CEMIP: variants seen among roughly 807,000 people sequenced by gnomAD.
The protein encoded by CEMIP is cell migration inducing hyaluronidase 1.
A neutral mutation model predicts 156.9 loss-of-function variants in CEMIP; 105 were observed. The observed-to-expected ratio is 0.67, with a 90% CI of 0.57 to 0.79. The LOEUF is 0.79. CEMIP is among the 30% of genes least tolerant of loss of function. The pLI is 0.00. For missense variants in CEMIP, 1,457 were observed against 1,769.4 expected (o/e 0.82, Z 3.17); for synonymous variants, 676 against 668.4 (o/e 1.01, Z -0.17).
chr15:80,897,284 G>T (rs1437507910), intron 12 of CEMIP: 1 of 456,014 alleles, frequency 2.2e-6, no homozygotes, highest in Non-Finnish European at 4.4e-6. Context: ...GAAACCCACA[G>T]AACATAAAAT....
In CEMIP at chr15:80,921,260, G is replaced by A. The variant is rs559320875; in HGVS notation, c.2073+159G>A. Among the ~76,000 whole-genome samples, 166 of 152,244 alleles carry A rather than the reference G, an allele frequency of 1.1e-3. 1 individual carries two copies. The highest frequency in any genetic ancestry group is 3.3e-3 in the Admixed American group (51 of 15,294). On this transcript the variant is annotated intron_variant, in intron 16 of 29. Coordinates refer to ENST00000394685, the MANE Select transcript of CEMIP (RefSeq NM_001293298.2). ...GGTGAAGAGGAAAACGACAGACTGGGGGTGGTGGGGCAGGGGGCGTTCTTT... is the reference window on the plus strand; with the variant it reads ...GGTGAAGAGGAAAACGACAGACTGGAGGTGGTGGGGCAGGGGGCGTTCTTT...
At position 80,909,483 on chromosome 15, in the gene CEMIP, T is replaced by C. The variant is rs376554486; in HGVS notation, c.1797+177T>C. The C allele has an allele frequency of 7.0e-6, 5 of 715,554 alleles. No individual in the cohort carries two copies. In the African/African-American group the frequency reaches 7.0e-5, roughly 10 times the overall value. 44.3% of individuals were successfully genotyped at this position (715,554 alleles called of 1,614,324 possible). On this transcript the variant is annotated intron_variant, in intron 14 of 29. Transcript: ENST00000394685. ...CACCAACCAAACAGGAAGGAGAAAA[T>C]AGAGGTTTGTCCTTACCAAAGGTAC...
At chr15:80,851,126 G>A (rs982563995) in intron 1 of CEMIP, among the ~76,000 whole-genome samples, 1 of 152,138 alleles carries the variant, frequency 6.6e-6, no homozygotes, top group African/African-American at 2.4e-5. Flanking sequence ...GGTGGTGCTA[G>A]CCCTCATGGG....
intron 1 of CEMIP, among the ~76,000 whole-genome samples, chr15:80,846,716 G>C (rs570234533): frequency 4.7e-4 from 72 of 152,352 alleles, no homozygotes; most frequent in African/African-American, 1.7e-3. Context: ...CAGGATTTGA[G>C]TGATCAGCTC....
At chr15:80,830,477 T>C (rs764595897) in intron 1 of CEMIP, among the ~76,000 whole-genome samples, 1 of 152,178 alleles carries the variant, frequency 6.6e-6, no homozygotes, top group Non-Finnish European at 1.5e-5. Flanking sequence ...CTGAGCTGTC[T>C]GTCTGCCCAC....
At chr15:80,826,904 C>A (rs1045155533) in intron 1 of CEMIP, among the ~76,000 whole-genome samples, 1 of 152,322 alleles carries the variant, frequency 6.6e-6, no homozygotes, top group Middle Eastern at 3.4e-3. Context: ...TTTAGCATAA[C>A]ATCCTCATTT....
Position 80,844,648 on chromosome 15 carries a change from T to C in CEMIP, c.-175-28890T>C, listed in dbSNP as rs77151557. On this transcript the variant is annotated intron_variant, in intron 1 of 29. Transcript: ENST00000394685. Reference sequence around the variant, plus strand: ...GACCAGCAGCTCCACTGTTGCAGAATTGGGCTGCTTCCTACTTCCTGTGTC... The same window carrying C: ...GACCAGCAGCTCCACTGTTGCAGAACTGGGCTGCTTCCTACTTCCTGTGTC... 6.3e-4 allele frequency among the ~76,000 whole-genome samples: 96 copies of C among 152,342 alleles called. 1 individual carries two copies. The East Asian group carries it at 0.016, about 26-fold the overall frequency.
At chr15:80,912,413 T>C (rs1052988478) in intron 14 of CEMIP, among the ~76,000 whole-genome samples, 5 of 152,258 alleles carry the variant, frequency 3.3e-5, no homozygotes, top group Non-Finnish European at 7.4e-5. Flanking sequence ...GGGAGGGCCA[T>C]TGTACAGACA....
chr15:80,786,693 A>G (rs760494149), intron 1 of CEMIP, among the ~76,000 whole-genome samples: 8 of 152,130 alleles, frequency 5.3e-5, no homozygotes, highest in Non-Finnish European at 1.2e-4. Flanking sequence ...AAGATGGGGT[A>G]CATGGAGGAC....
chr15:80,820,596 C>A (rs1030485206), intron 1 of CEMIP, among the ~76,000 whole-genome samples: 2 of 152,154 alleles, frequency 1.3e-5, no homozygotes, highest in Non-Finnish European at 2.9e-5. Context: ...CTGAACTACT[C>A]CCTCAACTTT....
intron 1 of CEMIP, among the ~76,000 whole-genome samples, chr15:80,812,278 TG>T (rs1454537543): frequency 1.3e-5 from 2 of 152,238 alleles, no homozygotes; most frequent in African/African-American, 4.8e-5. Flanking sequence ...GGCCTGCATC[TG>T]GGGATCACTT....
chr15:80,818,710 C>G (rs1304612578), intron 1 of CEMIP, among the ~76,000 whole-genome samples: 1 of 152,214 alleles, frequency 6.6e-6, no homozygotes, highest in Admixed American at 6.5e-5. Context: ...CTCGTGCCAA[C>G]TCCCACTGAT....
intron 1 of CEMIP, among the ~76,000 whole-genome samples, chr15:80,848,691 C>A (rs766714739): frequency 6.6e-6 from 1 of 152,114 alleles, no homozygotes; most frequent in African/African-American, 2.4e-5. Context: ...GGTTCCCAGG[C>A]GGAAAGAAGG....
At chr15:80,864,321 T>C (rs1468934738) in intron 1 of CEMIP, among the ~76,000 whole-genome samples, 2 of 152,256 alleles carry the variant, frequency 1.3e-5, no homozygotes, top group Admixed American at 1.3e-4. Flanking sequence ...TAAAGCCCTC[T>C]GTGGCAAGCT....
chr15:80,796,003 A>G (rs1236351099), intron 1 of CEMIP, among the ~76,000 whole-genome samples: 4 of 152,234 alleles, frequency 2.6e-5, no homozygotes, highest in Non-Finnish European at 5.9e-5. Context: ...GTTGCAATTT[A>G]TTATTGCAGT....
intron 10 of CEMIP, among the ~76,000 whole-genome samples, chr15:80,891,041 C>T (rs1048548391): frequency 2.6e-5 from 4 of 152,232 alleles, no homozygotes; most frequent in African/African-American, 9.6e-5. Flanking sequence ...TCTCTCATAA[C>T]CTTGAATGTT....
At chr15:80,780,839 G>T (rs1895773175) in intron 1 of CEMIP, among the ~76,000 whole-genome samples, 1 of 152,188 alleles carries the variant, frequency 6.6e-6, no homozygotes, top group African/African-American at 2.4e-5. Context: ...GGTCTCCGGG[G>T]AAGTCGTGCG....
chr15:80,824,951 A>G (rs1489243938), intron 1 of CEMIP, among the ~76,000 whole-genome samples: 1 of 152,164 alleles, frequency 6.6e-6, no homozygotes, highest in East Asian at 1.9e-4. Context: ...CTCAGCTTTT[A>G]TCATCAGATT....
intron 1 of CEMIP, among the ~76,000 whole-genome samples, chr15:80,850,008 C>T (rs980811768): frequency 1.3e-5 from 2 of 152,144 alleles, no homozygotes; most frequent in Non-Finnish European, 2.9e-5. Context: ...AGGGCGGCAC[C>T]GCAAGCTTTA....
Sources: allele counts gnomAD v4.1 joint callset (sites outside exome capture counted in the v4.1 genomes callset), GRCh38; gene constraint gnomAD v4.1.1; transcripts MANE v1.5; gene names NCBI Gene and HGNC (gene_info 2026-07-23, HGNC 2026-07-21).